The following SENP7 variants were observed in gnomAD, a reference collection of about 807,000 sequenced individuals.
The protein encoded by SENP7 is SUMO specific peptidase 7, also known as sentrin-specific protease 7.
SENP7 carries 64 observed loss-of-function variants against 141.2 expected under a neutral mutation model. The observed-to-expected ratio is 0.45, with a 90% CI of 0.37 to 0.56. The LOEUF is 0.56. Among genes scored for constraint, SENP7 ranks in the 20% least tolerant of loss-of-function variants. The pLI is 0.00. For synonymous variants in SENP7, 382 were observed against 426.4 expected, an observed-to-expected ratio of 0.90 and a Z score of 1.28; for missense variants, 1,025 against 1,212.2, an observed-to-expected ratio of 0.85 and a Z score of 2.29.
At chr3:101,440,734 G>T (rs2062635913) in intron 4 of SENP7, among the ~76,000 whole-genome samples, 1 of 151,892 alleles carries the variant, frequency 6.6e-6, no homozygotes. Context: ...AACCATATAT[G>T]AATCTCCCTC....
chr3:101,512,672 A>G (rs1328200552), intron 1 of SENP7, among the ~76,000 whole-genome samples: 1 of 152,062 alleles, frequency 6.6e-6, no homozygotes, highest in Non-Finnish European at 1.5e-5. Context: ...GAGGAGGGAG[A>G]GGGGAAGGGA....
chr3:101,454,034 G>T (rs557945233), intron 4 of SENP7, among the ~76,000 whole-genome samples: 2 of 152,074 alleles, frequency 1.3e-5, no homozygotes, highest in Non-Finnish European at 2.9e-5. Context: ...AAAGAAGAAC[G>T]GAAGGAGATA....
chr3:101,357,342 T>C (rs2059772283), intron 11 of SENP7: 1 of 677,842 alleles, frequency 1.5e-6, no homozygotes, highest in Non-Finnish European at 2.8e-6. Flanking sequence ...TATAAGGATG[T>C]GATGTTAGAG....
intron 4 of SENP7, among the ~76,000 whole-genome samples, chr3:101,440,581 T>TAAAA (rs58673443): frequency 0.011 from 1,333 of 124,834 alleles, 27 homozygotes; most frequent in African/African-American, 0.035. Flanking sequence ...AAAAATAAAT[T>TAAAA]AAAAAAAAAA....
At chr3:101,472,167 A>G (rs1365326962) in intron 3 of SENP7, among the ~76,000 whole-genome samples, 2 of 152,256 alleles carry the variant, frequency 1.3e-5, no homozygotes, top group African/African-American at 4.8e-5. Context: ...CACCCAAAGG[A>G]TTATAAATCA....
At chr3:101,466,893 G>A (rs903742078) in intron 3 of SENP7, among the ~76,000 whole-genome samples, 6 of 152,136 alleles carry the variant, frequency 3.9e-5, no homozygotes, top group Non-Finnish European at 4.4e-5. Context: ...CGCCTCACCC[G>A]GGAAGTGCAA....
At chr3:101,434,718 A>C (rs1212608813) in intron 4 of SENP7, among the ~76,000 whole-genome samples, 1 of 152,142 alleles carries the variant, frequency 6.6e-6, no homozygotes, top group Non-Finnish European at 1.5e-5. Context: ...AGATTGAACC[A>C]CGAAGAAATC....
chr3:101,443,672 T>G (rs1264870650), intron 4 of SENP7, among the ~76,000 whole-genome samples: 3 of 148,126 alleles, frequency 2.0e-5, no homozygotes, highest in Non-Finnish European at 4.5e-5. Context: ...TCACATCACT[T>G]GTAAGTTGGA....
chr3:101,369,171 C>T (rs552769640), intron 7 of SENP7, among the ~76,000 whole-genome samples: 2 of 152,162 alleles, frequency 1.3e-5, no homozygotes, highest in Admixed American at 6.5e-5. Context: ...AAAGTTTCCA[C>T]CTAATTGACT....
At chr3:101,373,782 G>A (rs1479926055) in intron 6 of SENP7, among the ~76,000 whole-genome samples, 1 of 152,112 alleles carries the variant, frequency 6.6e-6, no homozygotes, top group Non-Finnish European at 1.5e-5. Context: ...CCAAATAACA[G>A]TTTTTTGCAG....
At chr3:101,348,800 A>T (rs1407228381) in intron 12 of SENP7, among the ~76,000 whole-genome samples, 6 of 99,546 alleles carry the variant, frequency 6.0e-5, no homozygotes, top group Non-Finnish European at 8.2e-5. Context: ...AAGAAACATT[A>T]AAAAAAAAAA....
chr3:101,337,950 C>T (rs2059230701), intron 16 of SENP7, among the ~76,000 whole-genome samples: 1 of 152,068 alleles, frequency 6.6e-6, no homozygotes, highest in Non-Finnish European at 1.5e-5. Context: ...GTCAAGAGAT[C>T]GAGACCATTC....
At chr3:101,441,870 G>A (rs150901817) in intron 4 of SENP7, among the ~76,000 whole-genome samples, 14 of 152,102 alleles carry the variant, frequency 9.2e-5, no homozygotes, top group Non-Finnish European at 1.2e-4. Context: ...TCCTGCTGAC[G>A]AGTCTGAAAA....
chr3:101,407,301 C>A (rs896143676), intron 5 of SENP7, among the ~76,000 whole-genome samples: 39 of 152,060 alleles, frequency 2.6e-4, no homozygotes. Flanking sequence ...TACTAATAGA[C>A]CTACGAAATG....
At chr3:101,446,953 A>T (rs2062920676) in intron 4 of SENP7, among the ~76,000 whole-genome samples, 1 of 152,150 alleles carries the variant, frequency 6.6e-6, no homozygotes, top group South Asian at 2.1e-4. Flanking sequence ...AAAAAAATCA[A>T]ACATAAAGTT....
intron 4 of SENP7, among the ~76,000 whole-genome samples, chr3:101,456,558 G>A (rs558898803): frequency 6.6e-6 from 1 of 152,006 alleles, no homozygotes; most frequent in South Asian, 2.1e-4. Flanking sequence ...GTCAGATGTC[G>A]TAAATTCTAT....
rs1441693260 is a variant in SENP7 at position 101,417,592 on chromosome 3, C to T, written c.482+1G>A. The T allele has an allele frequency of 6.2e-7, 1 of 1,607,934 alleles. No homozygotes were observed. Among genetic ancestry groups the T allele is most frequent in the African/African-American group, 1.3e-5 (1 of 74,758 alleles). Reference sequence around the variant, plus strand: ...AACAAAATCAATACTGAACAACATACCTTTCAGATAAATTAAGGCTTTGGC... The same window carrying T: ...AACAAAATCAATACTGAACAACATATCTTTCAGATAAATTAAGGCTTTGGC... On this transcript the variant is annotated splice_donor_variant, in intron 5 of 23. Coordinates refer to ENST00000394095, the MANE Select transcript of SENP7 (RefSeq NM_020654.5). LOFTEE classifies it high-confidence loss of function.
At chr3:101,366,985 G>C (rs2060054594) in intron 8 of SENP7, among the ~76,000 whole-genome samples, 1 of 152,120 alleles carries the variant, frequency 6.6e-6, no homozygotes, top group South Asian at 2.1e-4. Flanking sequence ...ATTTTTTAAA[G>C]GGTGAAATTG....
rs557765986 is a variant in SENP7, at chr3:101,417,751, A to T, written c.324T>A (p.Asp108Glu). 5 of 1,613,952 alleles carry T rather than the reference A, an allele frequency of 3.1e-6. No homozygotes were observed. The South Asian group carries it at 5.5e-5, about 18-fold the overall frequency. Residue 108 changes from aspartate to glutamate, a missense_variant, in exon 5 of 24, where the codon GAT becomes GAA. Transcript: ENST00000394095. Reference protein sequence around the residue: ...KVMLTNVLWTDLGRKFRKTLP... With the variant: ...KVMLTNVLWTELGRKFRKTLP... ...GGGTCTTTCTGAATTTTCGTCCTAA[A>T]TCCGTCCATAGGACATTCGTCAACA...
Sources: gnomAD v4.1 joint callset for allele counts (sites outside exome capture counted in the v4.1 genomes callset) on GRCh38, gnomAD v4.1.1 for gene constraint, MANE v1.5 for transcripts, NCBI Gene and HGNC (gene_info 2026-07-23, HGNC 2026-07-21) for gene names.